The following DCC variants were observed in gnomAD, a reference collection of about 807,000 sequenced individuals.
The protein encoded by DCC is DCC netrin 1 receptor.
A neutral mutation model predicts 172.5 loss-of-function variants in DCC; 58 were observed. The observed-to-expected ratio is 0.34, with a 90% CI of 0.27 to 0.42. The LOEUF is 0.42. Among genes scored for constraint, DCC ranks in the 10% least tolerant of loss-of-function variants. DCC has a pLI of 1.00. For synonymous variants in DCC, 709 were observed against 644.5 expected (o/e 1.10, Z -1.52); for missense variants, 1,740 against 1,791.0 (o/e 0.97, Z 0.51).
At chr18:53,040,770 G>C (rs1352769014) in intron 5 of DCC, among the ~76,000 whole-genome samples, 1 of 151,820 alleles carries the variant, frequency 6.6e-6, no homozygotes, top group Non-Finnish European at 1.5e-5. Context: ...AGTAACTCTG[G>C]ACATGAGCAA....
chr18:53,080,854 G>A (rs1568290479), intron 7 of DCC, among the ~76,000 whole-genome samples: 1 of 152,088 alleles, frequency 6.6e-6, no homozygotes, highest in Non-Finnish European at 1.5e-5. Flanking sequence ...AAGGGAGAGT[G>A]TGACAGGGCC....
intron 1 of DCC, among the ~76,000 whole-genome samples, chr18:52,588,283 G>T (rs566026446): frequency 6.6e-6 from 1 of 152,272 alleles, no homozygotes; most frequent in East Asian, 1.9e-4. Context: ...AGCATCATTG[G>T]ATCTGCTGGT....
chr18:53,316,863 T>A (rs62097995), intron 13 of DCC, among the ~76,000 whole-genome samples: 45,273 of 152,194 alleles, frequency 0.3, 8,651 homozygotes, highest in Non-Finnish European at 0.44. Context: ...TGATGGGGTT[T>A]TCTAAATATA....
rs575228056 is a variant in DCC, at chr18:53,442,246, T to G, written c.3229+7037T>G. On this transcript the variant is annotated intron_variant, in intron 22 of 28. Coordinates refer to ENST00000442544, the MANE Select transcript of DCC (RefSeq NM_005215.4). Reference sequence around the variant, plus strand: ...CCAAATTGAAAGCTTGTGCTAACCCTGCATTGTGCAAGACTATTGGCAACA... The same window carrying G: ...CCAAATTGAAAGCTTGTGCTAACCCGGCATTGTGCAAGACTATTGGCAACA... Among the ~76,000 whole-genome samples, 4 of 152,376 alleles carry G rather than the reference T, an allele frequency of 2.6e-5. No individual in the cohort carries two copies. The East Asian group carries it at 5.8e-4, about 22-fold the overall frequency.
At chr18:52,711,774 G>A (rs2036295715) in intron 1 of DCC, among the ~76,000 whole-genome samples, 2 of 152,108 alleles carry the variant, frequency 1.3e-5, no homozygotes, top group Admixed American at 1.3e-4. Flanking sequence ...GTGTTCCCTT[G>A]TGGTAATAGC....
At chr18:52,378,855 A>G (rs546827210) in intron 1 of DCC, among the ~76,000 whole-genome samples, 1 of 152,262 alleles carries the variant, frequency 6.6e-6, no homozygotes, top group Admixed American at 6.5e-5. Flanking sequence ...GCTTAAATAT[A>G]TATACTATTT....
At chr18:52,764,568 G>T (rs576282391) in intron 2 of DCC, among the ~76,000 whole-genome samples, 66 of 152,244 alleles carry the variant, frequency 4.3e-4, no homozygotes, top group African/African-American at 1.5e-3. Context: ...TCTCCCTCTT[G>T]TTTCCTCTCT....
At chr18:53,299,820 A>G (rs567961144) in intron 12 of DCC, among the ~76,000 whole-genome samples, 2 of 152,268 alleles carry the variant, frequency 1.3e-5, no homozygotes, top group East Asian at 1.9e-4. Context: ...AATTCTGCCT[A>G]TTGTTGGATA....
In DCC at chr18:52,459,918, C is replaced by CAT. The variant is rs938174492; in HGVS notation, c.91+119050_91+119051dup. ...ATATATACACACATATATATACACACATATATATATACACACCACATTTTC... is the reference window on the plus strand; with the variant it reads ...ATATATACACACATATATATACACACATATATATATATACACACCACATTTTC... On this transcript the variant is annotated intron_variant, in intron 1 of 28. Transcript: ENST00000442544. Among the ~76,000 whole-genome samples the CAT allele has an allele frequency of 1.5e-4, 23 of 151,274 alleles. 1 individual carries two copies. Among genetic ancestry groups the CAT allele is most frequent in the East Asian group, 1.4e-3 (7 of 5,144 alleles).
intron 1 of DCC, among the ~76,000 whole-genome samples, chr18:52,719,100 C>T (rs1010317782): frequency 1.1e-4 from 16 of 152,106 alleles, no homozygotes; most frequent in African/African-American, 3.4e-4. Flanking sequence ...ACCTCTGCCT[C>T]TGTGGCCTTC....
At chr18:52,497,381 G>A (rs1456925586) in intron 1 of DCC, among the ~76,000 whole-genome samples, 4 of 120,088 alleles carry the variant, frequency 3.3e-5, no homozygotes, top group South Asian at 3.1e-4. Context: ...GTGTATATAT[G>A]TATACACACA....
chr18:52,427,835 T>C (rs60292091), intron 1 of DCC, among the ~76,000 whole-genome samples: 4,249 of 45,050 alleles, frequency 0.094, 240 homozygotes, highest in South Asian at 0.12. Flanking sequence ...TTCCTTCCTT[T>C]CTTCCTTCCT....
intron 1 of DCC, among the ~76,000 whole-genome samples, chr18:52,681,624 G>T (rs184837725): frequency 6.6e-6 from 1 of 152,092 alleles, no homozygotes; most frequent in African/African-American, 2.4e-5. Flanking sequence ...TATCAAAGGA[G>T]CTGCTGCTAA....
At chr18:52,937,066 A>G (rs2040391746) in intron 5 of DCC, among the ~76,000 whole-genome samples, 1 of 152,120 alleles carries the variant, frequency 6.6e-6, no homozygotes, top group Non-Finnish European at 1.5e-5. Context: ...TTACCAAACA[A>G]TGCTTGGTAA....
intron 12 of DCC, among the ~76,000 whole-genome samples, chr18:53,280,768 TTC>T (rs1598978767): frequency 6.6e-6 from 1 of 152,130 alleles, no homozygotes; most frequent in Non-Finnish European, 1.5e-5. Flanking sequence ...TCCTTGAAGT[TTC>T]TGTTTCCTCA....
chr18:52,851,500 C>T (rs1025183925), intron 2 of DCC, among the ~76,000 whole-genome samples: 2 of 152,006 alleles, frequency 1.3e-5, no homozygotes, highest in African/African-American at 4.8e-5. Context: ...AATCTCTGGC[C>T]TCCAGAAAAA....
intron 12 of DCC, among the ~76,000 whole-genome samples, chr18:53,237,559 C>T (rs565837563): frequency 1.3e-5 from 2 of 152,196 alleles, no homozygotes; most frequent in African/African-American, 4.8e-5. Context: ...GCTGGATTTT[C>T]AGCTAGTGAC....
intron 12 of DCC, among the ~76,000 whole-genome samples, chr18:53,217,847 T>G (rs919014933): frequency 6.6e-6 from 1 of 151,866 alleles, no homozygotes; most frequent in African/African-American, 2.4e-5. Context: ...GGTGTTTTTA[T>G]TTTTTTTATT....
chr18:52,567,783 C>T (rs957408608), intron 1 of DCC, among the ~76,000 whole-genome samples: 1 of 151,884 alleles, frequency 6.6e-6, no homozygotes, highest in African/African-American at 2.4e-5. Context: ...TGCACTTGTA[C>T]CCCTTAAATT....
Sources: allele counts gnomAD v4.1 joint callset (sites outside exome capture counted in the v4.1 genomes callset), GRCh38; gene constraint gnomAD v4.1.1; transcripts MANE v1.5; gene names NCBI Gene and HGNC (gene_info 2026-07-23, HGNC 2026-07-21).